Variants in SGMS1 observed in about 807,000 individuals in gnomAD.
SGMS1 encodes the protein sphingomyelin synthase 1, also known as phosphatidylcholine:ceramide cholinephosphotransferase 1.
Under a neutral mutation model 46.2 loss-of-function variants are expected in SGMS1, and 13 were observed. The observed-to-expected ratio is 0.28, with a 90% confidence interval of 0.18 to 0.45. The LOEUF (loss-of-function observed/expected upper bound fraction) is 0.45. SGMS1 is among the 20% of genes least tolerant of loss of function. The pLI is 1.00. For missense variants in SGMS1, 324 were observed against 519.9 expected (o/e 0.62, Z 3.66); for synonymous variants, 203 against 187.8 (o/e 1.08, Z -0.66).
intron 1 of SGMS1, among the ~76,000 whole-genome samples, chr10:50,601,901 T>A (rs190261183): frequency 4.3e-4 from 66 of 152,348 alleles, no homozygotes; most frequent in Non-Finnish European, 8.8e-4. Flanking sequence ...TAATTTTATA[T>A]GCGATATTTT....
intron 2 of SGMS1, among the ~76,000 whole-genome samples, chr10:50,558,648 T>TTA (rs1310112049): frequency 6.6e-6 from 1 of 152,166 alleles, no homozygotes; most frequent in Non-Finnish European, 1.5e-5. Flanking sequence ...CGTGGTCCAC[T>TTA]TATACACAGA....
At chr10:50,424,970 A>C (rs959301692) in intron 6 of SGMS1, among the ~76,000 whole-genome samples, 2 of 152,130 alleles carry the variant, frequency 1.3e-5, no homozygotes, top group Non-Finnish European at 2.9e-5. Flanking sequence ...ACATACAAAA[A>C]AAATGATCAG....
intron 5 of SGMS1, among the ~76,000 whole-genome samples, chr10:50,438,871 C>T (rs1228340813): frequency 2.6e-5 from 4 of 152,158 alleles, no homozygotes; most frequent in African/African-American, 9.7e-5. Context: ...TATAATGAAA[C>T]ATATTAGCCA....
intron 6 of SGMS1, among the ~76,000 whole-genome samples, chr10:50,393,025 G>C (rs1164487187): frequency 2.7e-5 from 4 of 150,678 alleles, no homozygotes; most frequent in African/African-American, 4.9e-5. Context: ...AAAAATTTAT[G>C]TTGGGTGGTG....
intron 6 of SGMS1, among the ~76,000 whole-genome samples, chr10:50,372,956 T>A (rs199502870): frequency 6.8e-5 from 10 of 147,282 alleles, no homozygotes; most frequent in South Asian, 2.2e-4. Context: ...ATAAAAAAAA[T>A]ATTCAAAACA....
chr10:50,560,712 G>A (rs926962097), intron 2 of SGMS1, among the ~76,000 whole-genome samples: 7 of 149,734 alleles, frequency 4.7e-5, no homozygotes, highest in Non-Finnish European at 7.4e-5. Context: ...GTGTATATAC[G>A]TGTAGGAAAA....
In SGMS1 at chr10:50,594,000, C is replaced by T. The variant is rs755707020; in HGVS notation, c.-683-3753G>A. Among the ~76,000 whole-genome samples the T allele has an allele frequency of 3.9e-5, 6 of 152,150 alleles. 1 individual carries two copies. Among genetic ancestry groups the T allele is most frequent in the South Asian group, 4.1e-4 (2 of 4,830 alleles). On this transcript the variant is annotated intron_variant, in intron 1 of 10. Coordinates refer to ENST00000361781, the MANE Select transcript of SGMS1 (RefSeq NM_147156.4). The stretch of plus-strand genomic sequence containing the variant: ...GAGGAGAGCTGGACTACGGATTGCA[C>T]GTGTTCAACTCCTCTAATGCCAAAT...
intron 5 of SGMS1, among the ~76,000 whole-genome samples, chr10:50,435,212 C>T (rs1228898992): frequency 6.6e-6 from 1 of 152,166 alleles, no homozygotes; most frequent in Admixed American, 6.5e-5. Flanking sequence ...TTTATTCCTT[C>T]TAAGGCTCAG....
At chr10:50,558,007 T>C (rs192454270) in intron 2 of SGMS1, among the ~76,000 whole-genome samples, 2 of 152,362 alleles carry the variant, frequency 1.3e-5, no homozygotes, top group East Asian at 3.9e-4. Context: ...CTTATTTATA[T>C]AATCCTCACA....
intron 6 of SGMS1, among the ~76,000 whole-genome samples, chr10:50,405,613 G>C (rs1849002724): frequency 6.6e-6 from 1 of 152,092 alleles, no homozygotes; most frequent in African/African-American, 2.4e-5. Context: ...AAGCAGTAAA[G>C]AAACACCCTC....
intron 7 of SGMS1, among the ~76,000 whole-genome samples, chr10:50,334,119 G>C (rs1309187379): frequency 6.6e-6 from 1 of 152,042 alleles, no homozygotes; most frequent in East Asian, 1.9e-4. Flanking sequence ...CTTATATACA[G>C]GTTGTAACAG....
intron 3 of SGMS1, among the ~76,000 whole-genome samples, chr10:50,517,560 T>C (rs1432272161): frequency 6.6e-6 from 1 of 152,108 alleles, no homozygotes; most frequent in Admixed American, 6.6e-5. Flanking sequence ...AGAGAAGTTC[T>C]AACCTCCATT....
intron 3 of SGMS1, among the ~76,000 whole-genome samples, chr10:50,479,568 T>C (rs566392700): frequency 6.6e-6 from 1 of 152,322 alleles, no homozygotes; most frequent in South Asian, 2.1e-4. Flanking sequence ...TGAACCGCAT[T>C]ATATTTTTTT....
At chr10:50,408,130 C>T (rs939819650) in intron 6 of SGMS1, among the ~76,000 whole-genome samples, 5 of 152,094 alleles carry the variant, frequency 3.3e-5, no homozygotes, top group African/African-American at 1.2e-4. Flanking sequence ...TTTAAATATT[C>T]GCATGTGGCT....
At chr10:50,542,956 T>C (rs1783026346) in intron 2 of SGMS1, among the ~76,000 whole-genome samples, 1 of 151,978 alleles carries the variant, frequency 6.6e-6, no homozygotes, top group Non-Finnish European at 1.5e-5. Context: ...ATGCCATCAC[T>C]GTTTAGACTT....
At chr10:50,356,496 C>A (rs943351517) in intron 6 of SGMS1, among the ~76,000 whole-genome samples, 33 of 152,000 alleles carry the variant, frequency 2.2e-4, no homozygotes, top group African/African-American at 7.2e-4. Flanking sequence ...GCTGACCTTC[C>A]CTCCACTATT....
At chr10:50,404,472 C>T (rs988490148) in intron 6 of SGMS1, among the ~76,000 whole-genome samples, 2 of 151,922 alleles carry the variant, frequency 1.3e-5, no homozygotes, top group Non-Finnish European at 2.9e-5. Flanking sequence ...AGGTGGGCAT[C>T]GTGGTGCATG....
At chr10:50,393,580 G>T (rs536510938) in intron 6 of SGMS1, among the ~76,000 whole-genome samples, 2 of 151,992 alleles carry the variant, frequency 1.3e-5, no homozygotes, top group Non-Finnish European at 2.9e-5. Context: ...AAGGAGGCAC[G>T]TCAGGCAATG....
chr10:50,495,486 A>G (rs1024723064), intron 3 of SGMS1, among the ~76,000 whole-genome samples: 2 of 152,188 alleles, frequency 1.3e-5, no homozygotes, highest in African/African-American at 4.8e-5. Flanking sequence ...TCATTCATAC[A>G]ATAGATGTTC....
Sources: allele counts gnomAD v4.1 joint callset (sites outside exome capture counted in the v4.1 genomes callset), GRCh38; gene constraint gnomAD v4.1.1; transcripts MANE v1.5; gene names NCBI Gene and HGNC (gene_info 2026-07-23, HGNC 2026-07-21).